COL22A1: variants seen among roughly 807,000 people sequenced by gnomAD.
COL22A1 encodes collagen type XXII alpha 1 chain, also known as collagen alpha-1(XXII) chain.
In COL22A1, 221 loss-of-function variants were observed where a neutral mutation model predicts 248.9. That is an observed-to-expected ratio of 0.89 (90% confidence interval 0.80 to 0.99). The LOEUF (loss-of-function observed/expected upper bound fraction) is 0.99. Among genes scored for constraint, COL22A1 ranks in the 50% least tolerant of loss-of-function variants. The pLI is 0.00. For missense variants in COL22A1, 2,240 were observed against 2,179.0 expected (o/e 1.03, Z -0.56); for synonymous variants, 891 against 793.4 (o/e 1.12, Z -2.07).
At chr8:138,908,914 G>C (rs555263205) in intron 1 of COL22A1, among the ~76,000 whole-genome samples, 4 of 152,192 alleles carry the variant, frequency 2.6e-5, no homozygotes, top group Non-Finnish European at 5.9e-5. Flanking sequence ...TGCACTGGAG[G>C]TTGCCTTAGG....
intron 36 of COL22A1, among the ~76,000 whole-genome samples, chr8:138,690,253 TG>T (rs1158357028): frequency 6.6e-6 from 1 of 152,202 alleles, no homozygotes; most frequent in Non-Finnish European, 1.5e-5. Context: ...TGTTGAACAA[TG>T]TTCAAGTCTA....
At chr8:138,603,988 C>A (rs147307040) in intron 59 of COL22A1, among the ~76,000 whole-genome samples, 1 of 152,212 alleles carries the variant, frequency 6.6e-6, no homozygotes, top group Admixed American at 6.5e-5. Context: ...TCCTGGGCTA[C>A]AGCAGAACAG....
intron 12 of COL22A1, among the ~76,000 whole-genome samples, chr8:138,791,057 G>A (rs1015574770): frequency 1.3e-5 from 2 of 152,130 alleles, no homozygotes; most frequent in African/African-American, 2.4e-5. Context: ...TGAATGTGTG[G>A]GCATGTTTTT....
At chr8:138,679,556 C>T in intron 40 of COL22A1, 61 bp downstream of exon 40, 1 of 1,409,002 alleles carries the variant, frequency 7.1e-7, no homozygotes. Flanking sequence ...TGTTATAAAG[C>T]TGCCTCTGCC....
At chr8:138,771,551 G>A (rs1834366918) in intron 16 of COL22A1, among the ~76,000 whole-genome samples, 1 of 152,178 alleles carries the variant, frequency 6.6e-6, no homozygotes. Context: ...AAGTCTTAAA[G>A]CAAGACTCCA....
At chr8:138,862,056 G>GAA (rs1202669089) in intron 3 of COL22A1, among the ~76,000 whole-genome samples, 1 of 133,884 alleles carries the variant, frequency 7.5e-6, no homozygotes, top group African/African-American at 2.7e-5. Context: ...AAGAAAAAAA[G>GAA]AAAAAAAGAA....
intron 40 of COL22A1, among the ~76,000 whole-genome samples, chr8:138,676,944 T>A (rs1165016615): frequency 6.6e-6 from 1 of 152,232 alleles, no homozygotes; most frequent in African/African-American, 2.4e-5. Context: ...AAATCTACCA[T>A]GCTTTCTTCA....
intron 45 of COL22A1, among the ~76,000 whole-genome samples, chr8:138,650,309 C>T (rs1043592398): frequency 1.3e-5 from 2 of 152,088 alleles, no homozygotes; most frequent in South Asian, 2.1e-4. Context: ...GATACAATGC[C>T]GACTCTGACC....
At chr8:138,691,636 TG>T (rs1408037468) in intron 35 of COL22A1, among the ~76,000 whole-genome samples, 54 of 151,630 alleles carry the variant, frequency 3.6e-4, no homozygotes, top group African/African-American at 1.3e-3. Context: ...GAGGTGTATG[TG>T]TGCACGTGCG....
At chr8:138,731,903 CCTT>C (rs1164196824) in intron 23 of COL22A1, among the ~76,000 whole-genome samples, 1 of 152,164 alleles carries the variant, frequency 6.6e-6, no homozygotes, top group Non-Finnish European at 1.5e-5. Context: ...TCTTCTTTGG[CCTT>C]CTGATAAATC....
chr8:138,690,718 TCCTCC>T, intron 36 of COL22A1, 98 bp downstream of exon 36: 9 of 845,724 alleles, frequency 1.1e-5, no homozygotes, highest in Non-Finnish European at 1.6e-5. Context: ...GGAGTAAGGA[TCCTCC>T]CCTTACTCCC....
rs140531134 is a variant in COL22A1 at position 138,892,245 on chromosome 8, A to G, written c.-72-9001T>C. ...CCCAGAAATAAATGGAGTGTTCATAACAAAATGTTTACTGAGTGAGGAAGC... is the reference window on the plus strand; with the variant it reads ...CCCAGAAATAAATGGAGTGTTCATAGCAAAATGTTTACTGAGTGAGGAAGC... On this transcript the variant is annotated intron_variant, in intron 1 of 64. Transcript: ENST00000303045. 1.6e-3 allele frequency among the ~76,000 whole-genome samples: 248 copies of G among 152,366 alleles called. 1 individual carries two copies. The highest frequency in any genetic ancestry group is 4.9e-3 in the African/African-American group (205 of 41,590).
At chr8:138,751,925 G>A (rs1374039435) in intron 21 of COL22A1, among the ~76,000 whole-genome samples, 1 of 152,214 alleles carries the variant, frequency 6.6e-6, no homozygotes. Context: ...ACAGTGATAT[G>A]CAAAACATGA....
chr8:138,718,988 A>C (rs970736447), intron 27 of COL22A1, among the ~76,000 whole-genome samples: 1 of 152,200 alleles, frequency 6.6e-6, no homozygotes, highest in African/African-American at 2.4e-5. Flanking sequence ...TTGCTTCATT[A>C]CTGAATAGAA....
At chr8:138,607,596 G>T (rs1587658781) in intron 57 of COL22A1, among the ~76,000 whole-genome samples, 2 of 151,116 alleles carry the variant, frequency 1.3e-5, no homozygotes, top group South Asian at 4.2e-4. Context: ...GGTAAGGGTT[G>T]CTCAGTCTGA....
chr8:138,893,360 CA>C (rs1586983098), intron 1 of COL22A1, among the ~76,000 whole-genome samples: 1 of 152,310 alleles, frequency 6.6e-6, no homozygotes, highest in East Asian at 1.9e-4. Context: ...TTCACTTAAC[CA>C]CTCTGGATGT....
At chr8:138,735,561 C>T (rs972013620) in intron 23 of COL22A1, among the ~76,000 whole-genome samples, 20 of 152,122 alleles carry the variant, frequency 1.3e-4, no homozygotes, top group Non-Finnish European at 2.9e-4. Context: ...TTTGATCGAG[C>T]TGCATTGATG....
At chr8:138,850,616 G>A (rs1821567017) in intron 3 of COL22A1, among the ~76,000 whole-genome samples, 1 of 152,186 alleles carries the variant, frequency 6.6e-6, no homozygotes, top group Non-Finnish European at 1.5e-5. Flanking sequence ...GGCCTGCCAG[G>A]GCCATCTGTC....
rs547341274 is a variant in COL22A1, at chr8:138,775,054, A to G, written c.1803+912T>C. Among the ~76,000 whole-genome samples, 3 of 152,324 alleles carry G rather than the reference A, an allele frequency of 2.0e-5. No individual in the cohort carries two copies. In the East Asian group the frequency reaches 5.8e-4, roughly 29 times the overall value. ...TTCAAATATCTTAAAATAAATGTAAATTAAGGTTGAAGAACAAGTTCCTAT... is the reference window on the plus strand; with the variant it reads ...TTCAAATATCTTAAAATAAATGTAAGTTAAGGTTGAAGAACAAGTTCCTAT... On this transcript the variant is annotated intron_variant, in intron 16 of 64. Transcript: ENST00000303045.
Sources: gnomAD v4.1 joint callset for allele counts (sites outside exome capture counted in the v4.1 genomes callset) on GRCh38, gnomAD v4.1.1 for gene constraint, MANE v1.5 for transcripts, NCBI Gene and HGNC (gene_info 2026-07-23, HGNC 2026-07-21) for gene names.